Variants in ALPL observed in about 807,000 individuals in gnomAD.
The protein encoded by ALPL is alkaline phosphatase, tissue-nonspecific isozyme.
In ALPL, 42 loss-of-function variants were observed where a neutral mutation model predicts 51.3. That is an observed-to-expected ratio of 0.82 (90% CI 0.64 to 1.06). The LOEUF (loss-of-function observed/expected upper bound fraction) is 1.06, where lower values mean the gene tolerates loss of function less well. Among genes scored for constraint, ALPL ranks in the 50% least tolerant of loss-of-function variants. ALPL has a pLI of 0.00. For synonymous variants in ALPL, 279 were observed against 296.4 expected (o/e 0.94, Z 0.60); for missense variants, 589 against 709.4 (o/e 0.83, Z 1.93).
chr1:21,529,215 G>A (rs1421912169), intron 1 of ALPL, among the ~76,000 whole-genome samples: 1 of 151,896 alleles, frequency 6.6e-6, no homozygotes, highest in African/African-American at 2.4e-5. Flanking sequence ...AATGCAGTAA[G>A]ATTGGGGTTA....
At chr1:21,537,029 T>C (rs1406497500) in intron 1 of ALPL, among the ~76,000 whole-genome samples, 1 of 151,388 alleles carries the variant, frequency 6.6e-6, no homozygotes, top group Non-Finnish European at 1.5e-5. Flanking sequence ...CCTGAGTAGC[T>C]GGGATTATTG....
In ALPL at chr1:21,563,164, C is replaced by G. The variant is rs1284058976; in HGVS notation, c.352C>G (p.Leu118Val). The change falls in exon 5 of 12, where the codon CTG becomes GTG. Residue 118 changes from leucine (L) to valine (V), a missense_variant. Leu to Val is a conservative substitution (Grantham distance 32). Coordinates refer to ENST00000374840, the MANE Select transcript of ALPL (RefSeq NM_000478.6). Reference protein sequence around the residue: ...PDSAGTATAYLCGVKANEGTV... With the variant: ...PDSAGTATAYVCGVKANEGTV... Reference sequence around the variant, plus strand: ...CAGTGCCGGCACCGCCACCGCCTACCTGTGTGGGGTGAAGGCCAATGAGGG... The same window carrying G: ...CAGTGCCGGCACCGCCACCGCCTACGTGTGTGGGGTGAAGGCCAATGAGGG... 6.2e-7 allele frequency: 1 copy of G among 1,613,904 alleles called. No individual in the cohort carries two copies. Among genetic ancestry groups the G allele is most frequent in the East Asian group, 2.2e-5 (1 of 44,884 alleles).
intron 1 of ALPL, among the ~76,000 whole-genome samples, chr1:21,548,490 G>A (rs1644281311): frequency 6.6e-6 from 1 of 152,256 alleles, no homozygotes; most frequent in Admixed American, 6.5e-5. Flanking sequence ...GGGATGCAGA[G>A]ATGGGTAAGA....
intron 4 of ALPL, 36 bp from the exon 5 acceptor site, chr1:21,563,074 C>G: frequency 1.9e-6 from 3 of 1,612,424 alleles, no homozygotes; most frequent in Non-Finnish European, 2.5e-6. Context: ...GGGGCGAAGG[C>G]CTGGCCATCT....
chr1:21,549,441 CA>C (rs1306000585), intron 1 of ALPL, among the ~76,000 whole-genome samples: 2 of 152,108 alleles, frequency 1.3e-5, no homozygotes, highest in African/African-American at 2.4e-5. Context: ...AAGACCACCC[CA>C]AACGCCGAAA....
chr1:21,514,603 G>A (rs542441710), intron 1 of ALPL, among the ~76,000 whole-genome samples: 3 of 152,094 alleles, frequency 2.0e-5, no homozygotes, highest in Admixed American at 6.5e-5. Flanking sequence ...GGTTACATGC[G>A]GGGGGCTCTG....
chr1:21,550,281 G>T (rs1197346177), intron 1 of ALPL, among the ~76,000 whole-genome samples: 1 of 152,174 alleles, frequency 6.6e-6, no homozygotes, highest in Non-Finnish European at 1.5e-5. Flanking sequence ...GGGGGTGACT[G>T]ATGGTAACCT....
intron 1 of ALPL, among the ~76,000 whole-genome samples, chr1:21,541,074 T>G (rs982655795): frequency 6.6e-6 from 1 of 152,208 alleles, no homozygotes; most frequent in African/African-American, 2.4e-5. Flanking sequence ...TCTGCAGCCA[T>G]CCAGGTGAAC....
At chr1:21,511,967 T>C (rs1420857401) in intron 1 of ALPL, among the ~76,000 whole-genome samples, 2 of 152,214 alleles carry the variant, frequency 1.3e-5, no homozygotes, top group Non-Finnish European at 2.9e-5. Context: ...TCTGGGCATA[T>C]GAGGCCTTTT....
chr1:21,560,396 T>G (rs1055830560), intron 2 of ALPL, among the ~76,000 whole-genome samples: 1 of 152,216 alleles, frequency 6.6e-6, no homozygotes, highest in Non-Finnish European at 1.5e-5. Flanking sequence ...GAGCCTTGGT[T>G]TCTTCATTCT....
At position 21,528,859 on chromosome 1, in the gene ALPL, C is replaced by G. The variant is rs527516881; in HGVS notation, c.-105+19342C>G. 3.3e-5 allele frequency among the ~76,000 whole-genome samples: 5 copies of G among 151,502 alleles called. No homozygotes were observed. The South Asian group carries it at 1.0e-3, about 32-fold the overall frequency. ...CCGAGGTGGGCGGATCACCTGAGGT[C>G]AGGAGTTCGAGACCAGCCTGGTCAA... is the stretch of plus-strand genomic sequence containing the variant. On this transcript the variant is annotated intron_variant, in intron 1 of 11. Coordinates refer to ENST00000374840, the MANE Select transcript of ALPL (RefSeq NM_000478.6).
At chr1:21,566,035 G>C (rs1180827298) in intron 6 of ALPL, among the ~76,000 whole-genome samples, 1 of 152,044 alleles carries the variant, frequency 6.6e-6, no homozygotes, top group Admixed American at 6.5e-5. Flanking sequence ...GGGAACAGTT[G>C]TGGGGGGCGG....
chr1:21,562,870 G>A (rs965491414), intron 4 of ALPL, among the ~76,000 whole-genome samples: 4 of 152,300 alleles, frequency 2.6e-5, no homozygotes, highest in East Asian at 1.9e-4. Context: ...ACACTTCTCT[G>A]TACTTTGGAG....
rs1054159992 is a variant in ALPL, at chr1:21,577,448, G to A, written c.1375G>A (p.Val459Met). 5 of 1,611,776 alleles carry A rather than the reference G, an allele frequency of 3.1e-6. No individual in the cohort carries two copies. The highest frequency in any genetic ancestry group is 1.3e-5 in the African/African-American group (1 of 74,930). The change falls in exon 12 of 12, where the codon GTG (valine) becomes ATG (methionine). Residue 459 changes from valine (V) to methionine (M), a missense_variant. Val to Met is a conservative substitution (Grantham distance 21, BLOSUM62 1). Coordinates refer to ENST00000374840, the MANE Select transcript of ALPL (RefSeq NM_000478.6). ...LRHETHGGED[V>M]AVFSKGPMAH... is the part of the protein sequence containing the mutation. The stretch of plus-strand genomic sequence containing the variant: ...CCACGAGACCCACGGCGGGGAGGAC[G>A]TGGCCGTCTTCTCCAAGGGCCCCAT...
chr1:21,530,320 TA>T (rs1224934353), intron 1 of ALPL, among the ~76,000 whole-genome samples: 4 of 152,212 alleles, frequency 2.6e-5, no homozygotes, highest in Non-Finnish European at 5.9e-5. Flanking sequence ...ATTCCAGCGG[TA>T]TCTCTAATCA....
chr1:21,566,048 C>T (rs528795259), intron 6 of ALPL, among the ~76,000 whole-genome samples: 11 of 152,176 alleles, frequency 7.2e-5, no homozygotes, highest in Admixed American at 7.2e-4. Flanking sequence ...GGGGGCGGGG[C>T]AAGGGACCCG....
intron 7 of ALPL, among the ~76,000 whole-genome samples, chr1:21,568,837 A>C (rs1644606256): frequency 2.0e-5 from 3 of 151,966 alleles, no homozygotes; most frequent in Admixed American, 6.5e-5. Context: ...AGGACGGAAT[A>C]GATTGGGGAA....
At chr1:21,548,503 T>C (rs1697414) in intron 1 of ALPL, among the ~76,000 whole-genome samples, 1 of 152,190 alleles carries the variant, frequency 6.6e-6, no homozygotes, top group Non-Finnish European at 1.5e-5. Flanking sequence ...GGGTAAGATG[T>C]TGGTCTTTAC....
At chr1:21,512,006 G>T (rs185142086) in intron 1 of ALPL, among the ~76,000 whole-genome samples, 1 of 152,272 alleles carries the variant, frequency 6.6e-6, no homozygotes, top group Non-Finnish European at 1.5e-5. Flanking sequence ...CAGTAGCAGA[G>T]CCCGAGTTCT....
Sources: allele counts gnomAD v4.1 joint callset (sites outside exome capture counted in the v4.1 genomes callset), GRCh38; gene constraint gnomAD v4.1.1; transcripts MANE v1.5; gene names NCBI Gene and HGNC (gene_info 2026-07-23, HGNC 2026-07-21).